The following SLC8B1 variants were observed in gnomAD, a reference collection of about 807,000 sequenced individuals.
SLC8B1 encodes mitochondrial sodium/calcium exchanger protein.
In SLC8B1, 52 loss-of-function variants were observed where a neutral mutation model predicts 63.4. The observed-to-expected ratio is 0.82, with a 90% CI of 0.66 to 1.03. The LOEUF is 1.03. Ranked by LOEUF, SLC8B1 falls within the 50% of genes least tolerant of loss-of-function variation. The probability of loss-of-function intolerance (pLI) is 0.00; values close to 1 mark genes in which losing one functional copy is unlikely to be tolerated. For missense variants in SLC8B1, 657 were observed against 741.7 expected (o/e 0.89, Z 1.33); for synonymous variants, 336 against 323.9 (o/e 1.04, Z -0.40).
rs139716825 is a variant in SLC8B1 at position 113,320,785 on chromosome 12, C to T, written c.420+65G>A. On this transcript the variant is annotated intron_variant, in intron 5 of 15. Coordinates refer to ENST00000680972, the MANE Select transcript of SLC8B1 (RefSeq NM_001358345.2). This position sits in a 1 kb window ranked among gnomAD's most constrained non-coding sequence, Gnocchi z 5.3. ...TTCCCCACACGGGGATAGACATGAC[C>T]CTATCTCCCAGCCTCCCCACAACTG... The T allele has an allele frequency of 6.4e-4, 1,016 of 1,576,940 alleles. 2 individuals carry two copies. Among genetic ancestry groups the T allele is most frequent in the Non-Finnish European group, 4.0e-4 (460 of 1,160,964 alleles).
In SLC8B1 at chr12:113,320,747, C is replaced by T; in HGVS notation, c.421-61G>A. The T allele has an allele frequency of 2.5e-6, 4 of 1,584,640 alleles. No homozygotes were observed. Among genetic ancestry groups the T allele is most frequent in the Non-Finnish European group, 3.4e-6 (4 of 1,165,018 alleles). ...GCTGCAGCCCACCCAGGCCTTCGAC[C>T]CTATCCCCCAGCTTCCCCACACGGG... On this transcript the variant is annotated intron_variant, in intron 5 of 15. Coordinates refer to ENST00000680972, the MANE Select transcript of SLC8B1 (RefSeq NM_001358345.2). This position sits in a 1 kb window ranked among gnomAD's most constrained non-coding sequence, Gnocchi z 5.3.
intron 1 of SLC8B1, among the ~76,000 whole-genome samples, chr12:113,333,458 C>G (rs565346485): frequency 1.6e-4 from 25 of 152,240 alleles, no homozygotes; most frequent in Non-Finnish European, 2.8e-4. Context: ...TGCTGTTGTT[C>G]TGTGTCTTAC....
chr12:113,332,892 GCCTGGCCCTTACTCTC>G lies in SLC8B1; in HGVS notation c.-30_-15del. 6.2e-7 allele frequency: 1 copy of G among 1,612,958 alleles called. No individual in the cohort carries two copies. Among genetic ancestry groups the G allele is most frequent in the South Asian group, 1.1e-5 (1 of 91,014 alleles). On this transcript the variant is annotated 5_prime_UTR_variant, in exon 2 of 16. Coordinates refer to ENST00000680972, the MANE Select transcript of SLC8B1 (RefSeq NM_001358345.2). Reference sequence around the variant, plus strand: ...TCTGCCGGCCATCTGCCCCCACGGGGCCTGGCCCTTACTCTCCACTTCCCTTTCTGCAGTAGCTCAG... The same window carrying G: ...TCTGCCGGCCATCTGCCCCCACGGGGCACTTCCCTTTCTGCAGTAGCTCAG...
In SLC8B1 at chr12:113,307,740, G is replaced by C. The variant is rs1956695608; in HGVS notation, c.1362C>G (p.Ser454Arg). ...LRSLGVVFRL[S>R]NTVLGLTLLA... ...GCAGCGTGAGCCCCAGCACAGTGTT[G>C]CTCAGCCGGAAGACCACACCCAGGG... The change falls in exon 13 of 16, where the codon AGC becomes AGG. Residue 454 changes from serine (S) to arginine (R), a missense_variant. By Grantham distance (110) the Ser-to-Arg change is moderately radical. Coordinates refer to ENST00000680972, the MANE Select transcript of SLC8B1 (RefSeq NM_001358345.2). The C allele has an allele frequency of 1.2e-5, 20 of 1,614,044 alleles. No individual in the cohort carries two copies. The highest frequency in any genetic ancestry group is 1.7e-5 in the Non-Finnish European group (20 of 1,180,038).
intron 2 of SLC8B1, among the ~76,000 whole-genome samples, chr12:113,332,247 G>A (rs1245781370): frequency 6.6e-6 from 1 of 152,088 alleles, no homozygotes; most frequent in East Asian, 1.9e-4. Flanking sequence ...TTAGCACATC[G>A]CCACCTGAAA....
intron 2 of SLC8B1, among the ~76,000 whole-genome samples, chr12:113,323,463 C>A (rs1593256548): frequency 6.6e-6 from 1 of 152,138 alleles, no homozygotes; most frequent in African/African-American, 2.4e-5. Flanking sequence ...AATCCCAGCA[C>A]GTTGGGAGGC....
rs528882013 is a variant in SLC8B1 at position 113,330,165 on chromosome 12, G to A, written c.156+2558C>T. 5.9e-5 allele frequency among the ~76,000 whole-genome samples: 9 copies of A among 152,332 alleles called. No homozygotes were observed. In the South Asian group the frequency reaches 1.9e-3, roughly 32 times the overall value. On this transcript the variant is annotated intron_variant, in intron 2 of 15. Transcript: ENST00000680972. ...ACCCCACTAGAGTATAAGCTCCAGGGGGGCAGGGACCAGGCTCTCTGCTTC... is the reference window on the plus strand; with the variant it reads ...ACCCCACTAGAGTATAAGCTCCAGGAGGGCAGGGACCAGGCTCTCTGCTTC...
intron 12 of SLC8B1, 95 bp from the exon 13 acceptor site, chr12:113,307,939 T>C: frequency 1.4e-6 from 2 of 1,435,568 alleles, no homozygotes; most frequent in Non-Finnish European, 1.9e-6. Context: ...TAACAGTATC[T>C]ACCTCATGAG....
intron 11 of SLC8B1, among the ~76,000 whole-genome samples, chr12:113,314,563 T>C (rs1490478710): frequency 2.6e-5 from 4 of 152,062 alleles, no homozygotes; most frequent in Non-Finnish European, 2.9e-5. Flanking sequence ...CTGGGGCAGA[T>C]GGGGAAAATT....
intron 11 of SLC8B1, among the ~76,000 whole-genome samples, chr12:113,314,892 C>A (rs561226718): frequency 6.6e-6 from 1 of 152,232 alleles, no homozygotes; most frequent in Non-Finnish European, 1.5e-5. Flanking sequence ...CCTGGGTGAA[C>A]TTCCAGGCTG....
At chr12:113,318,265 T>C (rs56288767) in intron 8 of SLC8B1, among the ~76,000 whole-genome samples, 32,141 of 152,118 alleles carry the variant, frequency 0.21, 4,511 homozygotes, top group African/African-American at 0.4. Context: ...GTGTTGTGTG[T>C]GCATGTATTT....
chr12:113,330,518 T>C (rs919235919), intron 2 of SLC8B1, among the ~76,000 whole-genome samples: 2 of 152,188 alleles, frequency 1.3e-5, no homozygotes, highest in African/African-American at 4.8e-5. Flanking sequence ...CACTCCCACC[T>C]CACGGGGTTT....
Position 113,299,371 on chromosome 12 carries a change from C to A in SLC8B1, c.*406G>T. 4.4e-6 allele frequency: 1 copy of A among 229,252 alleles called. No individual in the cohort carries two copies. The highest frequency in any genetic ancestry group is 6.8e-5 in the South Asian group (1 of 14,702). 14.2% of individuals were successfully genotyped at this position (229,252 alleles called of 1,614,324 possible). A position where few individuals can be genotyped will look rare whatever the true frequency, so the allele number is the denominator to read the frequency against. ...CAGCCACTTGTGTCCTGAGAAGGTGCCAGAAGGCCTGAAGCCCAGGCAAGG... is the reference window on the plus strand; with the variant it reads ...CAGCCACTTGTGTCCTGAGAAGGTGACAGAAGGCCTGAAGCCCAGGCAAGG... On this transcript the variant is annotated 3_prime_UTR_variant, in exon 16 of 16. Coordinates refer to ENST00000680972, the MANE Select transcript of SLC8B1 (RefSeq NM_001358345.2).
intron 2 of SLC8B1, among the ~76,000 whole-genome samples, chr12:113,326,238 T>C (rs1330922124): frequency 1.3e-5 from 2 of 152,246 alleles, no homozygotes; most frequent in South Asian, 2.1e-4. Context: ...CATTCGTTGA[T>C]GTACAATCTG....
At chr12:113,326,675 TTC>T (rs536680715) in intron 2 of SLC8B1, among the ~76,000 whole-genome samples, 3 of 147,504 alleles carry the variant, frequency 2.0e-5, no homozygotes, top group East Asian at 1.9e-4. Context: ...CCTCTTTTCT[TTC>T]TCTCTCTTTT....
chr12:113,318,353 T>C (rs906673605), intron 8 of SLC8B1, among the ~76,000 whole-genome samples: 1 of 151,998 alleles, frequency 6.6e-6, no homozygotes, highest in African/African-American at 2.4e-5. Flanking sequence ...TGTGTGCATG[T>C]ACTCCTATGT....
intron 10 of SLC8B1, among the ~76,000 whole-genome samples, chr12:113,316,020 T>C (rs539183658): frequency 8.3e-4 from 126 of 152,156 alleles, no homozygotes; most frequent in African/African-American, 2.8e-3. Context: ...GTCAGGAGAT[T>C]GAGACCATCC....
At chr12:113,306,191 T>C (rs1159611811) in intron 14 of SLC8B1, among the ~76,000 whole-genome samples, 2 of 143,352 alleles carry the variant, frequency 1.4e-5, no homozygotes, top group Non-Finnish European at 3.0e-5. Flanking sequence ...ATAGGACACA[T>C]AAGCTCATCC....
At chr12:113,300,498 TAAC>T (rs959168970) in intron 15 of SLC8B1, among the ~76,000 whole-genome samples, 75 of 151,004 alleles carry the variant, frequency 5.0e-4, no homozygotes, top group East Asian at 3.6e-3. Flanking sequence ...ATAAATAAAA[TAAC>T]AACAACAACA....
Sources: allele counts gnomAD v4.1 joint callset (sites outside exome capture counted in the v4.1 genomes callset), GRCh38; gene constraint gnomAD v4.1.1; non-coding constraint Gnocchi (gnomAD v3.1); transcripts MANE v1.5; gene names NCBI Gene and HGNC (gene_info 2026-07-23, HGNC 2026-07-21).